KLF5: variants seen among roughly 807,000 people sequenced by gnomAD.
The protein encoded by KLF5 is Krueppel-like factor 5.
A neutral mutation model predicts 36.9 loss-of-function variants in KLF5; 9 were observed. The observed-to-expected ratio is 0.24, with a 90% CI of 0.15 to 0.43. The LOEUF (loss-of-function observed/expected upper bound fraction) is 0.43, where lower values mean the gene tolerates loss of function less well. Ranked by LOEUF, KLF5 falls within the 20% of genes least tolerant of loss-of-function variation. The pLI is 1.00. For synonymous variants in KLF5, 246 were observed against 241.7 expected (o/e 1.02, Z -0.17); for missense variants, 524 against 599.5 (o/e 0.87, Z 1.31).
rs1037230503 is a variant in KLF5 at position 73,059,435 on chromosome 13, C to G, written c.108C>G (p.Ala36=). 6 of 1,297,078 alleles carry G rather than the reference C, an allele frequency of 4.6e-6. No individual in the cohort carries two copies. The African/African-American group carries it at 6.2e-5, about 13-fold the overall frequency. 80.3% of individuals were successfully genotyped at this position (1,297,078 alleles called of 1,614,324 possible). Residue 36 remains alanine, a synonymous_variant, in exon 1 of 4, where the codon GCC becomes GCG. Transcript: ENST00000377687. ...CGCAGCTCAAGCCGGTGCTGGGCGC[C>G]GCGAATCCGGCCCGCGACGCGGCGC... ...VFAQLKPVLG[A]ANPARDAALF...
At position 73,062,214 on chromosome 13, in the gene KLF5, T is replaced by C; in HGVS notation, c.615T>C (p.Asn205=). The change falls in exon 2 of 4, where the codon AAT becomes AAC. Residue 205 remains asparagine (N), a synonymous_variant. Transcript: ENST00000377687. ...SHQTAAPEVN[N]IFIKQELPTP... ...AGACCGCAGCTCCAGAGGTGAACAATATTTTCATCAAACAAGAACTTCCTA... is the reference window on the plus strand; with the variant it reads ...AGACCGCAGCTCCAGAGGTGAACAACATTTTCATCAAACAAGAACTTCCTA... 1.9e-6 allele frequency: 3 copies of C among 1,614,104 alleles called. No individual in the cohort carries two copies. Among genetic ancestry groups the C allele is most frequent in the Non-Finnish European group, 2.5e-6 (3 of 1,180,028 alleles).
upstream of KLF5, among the ~76,000 whole-genome samples, chr13:73,057,397 T>C (rs2044589215): frequency 1.3e-5 from 2 of 152,226 alleles, no homozygotes; most frequent in African/African-American, 2.4e-5. Flanking sequence ...AGCATGGGGC[T>C]GCTTGGTTAG....
chr13:73,061,406 C>T (rs2044633681), intron 1 of KLF5, among the ~76,000 whole-genome samples: 1 of 151,314 alleles, frequency 6.6e-6, no homozygotes, highest in Non-Finnish European at 1.5e-5. Context: ...AGGTTTGCAT[C>T]GTTTTTTCTA....
chr13:73,062,554 C>G lies in KLF5; in HGVS notation c.955C>G (p.Leu319Val), dbSNP rs1232542560. 1.9e-6 allele frequency: 3 copies of G among 1,614,214 alleles called. No individual in the cohort carries two copies. In the East Asian group the frequency reaches 6.7e-5, roughly 36 times the overall value. The change falls in exon 2 of 4, where the codon CTC (leucine) becomes GTC (valine). Residue 319 changes from leucine (L) to valine (V), a missense_variant. Transcript: ENST00000377687. ...PGSPDRQAEM[L>V]QNLTPPPSYA... ...AAGTCCAGATAGACAAGCAGAGATG[C>G]TCCAGAATTTAACCCCACCTCCATC...
Position 73,072,928 on chromosome 13 carries a change from GT to G in KLF5, c.1196-2776del, listed in dbSNP as rs200733150. Reference sequence around the variant, plus strand: ...ATACTTTGAGATAAAGTGGGAGCTTGTTTTCTGTGCTGTACAAACTTGTCAC... The same window carrying G: ...ATACTTTGAGATAAAGTGGGAGCTTGTTTCTGTGCTGTACAAACTTGTCAC... On this transcript the variant is annotated intron_variant, in intron 3 of 3. Transcript: ENST00000377687. Among the ~76,000 whole-genome samples, 1,330 of 152,320 alleles carry G rather than the reference GT, an allele frequency of 8.7e-3. 12 individuals carry two copies. The highest frequency in any genetic ancestry group is 0.014 in the Non-Finnish European group (983 of 68,012).
At chr13:73,071,162 C>T (rs9530145) in intron 3 of KLF5, among the ~76,000 whole-genome samples, 16,633 of 152,218 alleles carry the variant, frequency 0.11, 1,190 homozygotes, top group Non-Finnish European at 0.17. Context: ...ATTGATAGCT[C>T]AACAGAAATT....
chr13:73,066,144 G>A (rs561037783), intron 3 of KLF5, among the ~76,000 whole-genome samples: 3 of 152,246 alleles, frequency 2.0e-5, no homozygotes, highest in African/African-American at 7.2e-5. Context: ...AGGGTTTGTA[G>A]CAGACTTGTT....
chr13:73,062,359 G>A lies in KLF5; in HGVS notation c.760G>A (p.Val254Ile). ...NQTAAMDTLN[V>I]SMSAAMAGLN... The stretch of plus-strand genomic sequence containing the variant: ...GACAGCAGCAATGGACACTCTTAAT[G>A]TTTCTATGTCAGCTGCCATGGCAGG... The change falls in exon 2 of 4, where the codon GTT (valine) becomes ATT (isoleucine). Residue 254 changes from valine (V) to isoleucine (I), a missense_variant. Val to Ile is a conservative substitution (Grantham distance 29). Transcript: ENST00000377687. 6.2e-7 allele frequency: 1 copy of A among 1,614,150 alleles called. No individual in the cohort carries two copies. Among genetic ancestry groups the A allele is most frequent in the African/African-American group, 1.3e-5 (1 of 75,008 alleles).
At chr13:73,058,213 G>A (rs987683079), upstream of KLF5, among the ~76,000 whole-genome samples, 1 of 152,202 alleles carries the variant, frequency 6.6e-6, no homozygotes, top group African/African-American at 2.4e-5. Context: ...AATCAACACG[G>A]CTTAAATATT....
At position 73,062,796 on chromosome 13, in the gene KLF5, T is replaced by C. The variant is rs2044648811; in HGVS notation, c.1135+62T>C. ...TAGTGTGTGTGTGTGTGTGTCTGTG[T>C]GCGCGCGCGTGTGCGTGTGTGCACG... On this transcript the variant is annotated intron_variant, in intron 2 of 3. Transcript: ENST00000377687. 12 of 1,458,292 alleles carry C rather than the reference T, an allele frequency of 8.2e-6. No homozygotes were observed. In the East Asian group the frequency reaches 1.6e-4, roughly 19 times the overall value. 90.3% of individuals were successfully genotyped at this position (1,458,292 alleles called of 1,614,324 possible).
intron 3 of KLF5, among the ~76,000 whole-genome samples, chr13:73,065,938 C>T (rs1011570221): frequency 6.6e-6 from 1 of 152,314 alleles, no homozygotes; most frequent in African/African-American, 2.4e-5. Context: ...CCGGCAAATA[C>T]ATTTAATCGT....
Position 73,076,376 on chromosome 13 carries a change from G to T in KLF5, c.*490G>T, listed in dbSNP as rs1377492614. On this transcript the variant is annotated 3_prime_UTR_variant, in exon 4 of 4. Coordinates refer to ENST00000377687, the MANE Select transcript of KLF5 (RefSeq NM_001730.5). Reference sequence around the variant, plus strand: ...ATTCACAAATAGCCATTGAACAAATGTGTGGGTTTTTAAAAATTATATACA... The same window carrying T: ...ATTCACAAATAGCCATTGAACAAATTTGTGGGTTTTTAAAAATTATATACA... The T allele has an allele frequency of 1.3e-5, 2 of 152,948 alleles. No individual in the cohort carries two copies. Among genetic ancestry groups the T allele is most frequent in the African/African-American group, 4.8e-5 (2 of 41,450 alleles). 9.5% of individuals were successfully genotyped at this position (152,948 alleles called of 1,614,324 possible). A position where few individuals can be genotyped will look rare whatever the true frequency, so the allele number is the denominator to read the frequency against.
intron 1 of KLF5, among the ~76,000 whole-genome samples, chr13:73,061,095 A>G (rs373699137): frequency 6.6e-6 from 1 of 152,016 alleles, no homozygotes; most frequent in Non-Finnish European, 1.5e-5. Context: ...CCTTAGCAGC[A>G]CTCTACCAAG....
Position 73,074,769 on chromosome 13 carries a change from A to G in KLF5, c.1196-939A>G, listed in dbSNP as rs2044747737. 2.6e-5 allele frequency among the ~76,000 whole-genome samples: 4 copies of G among 152,352 alleles called. No individual in the cohort carries two copies. The South Asian group carries it at 8.3e-4, about 32-fold the overall frequency. On this transcript the variant is annotated intron_variant, in intron 3 of 3. Coordinates refer to ENST00000377687, the MANE Select transcript of KLF5 (RefSeq NM_001730.5). ...GGGAAGAGAACTGTGAAAGAATGGA[A>G]TGGGTAGGTTGAACAATTTCAGACT...
intron 3 of KLF5, 33 bp from the exon 4 acceptor site, chr13:73,075,675 A>C (rs768057962): frequency 3.3e-6 from 5 of 1,538,442 alleles, no homozygotes; most frequent in Non-Finnish European, 4.4e-6. Context: ...CATTACAAGC[A>C]GGCCGCTTTA....
chr13:73,067,178 A>G (rs934209692), intron 3 of KLF5, among the ~76,000 whole-genome samples: 2 of 152,220 alleles, frequency 1.3e-5, no homozygotes, highest in Non-Finnish European at 2.9e-5. Flanking sequence ...GATGTCTACA[A>G]GGGGCGGAAC....
At chr13:73,060,318 A>G (rs1278678742) in intron 1 of KLF5, among the ~76,000 whole-genome samples, 1 of 152,124 alleles carries the variant, frequency 6.6e-6, no homozygotes, top group Non-Finnish European at 1.5e-5. Context: ...AGGGAGTCAT[A>G]TAGCCCAGAA....
intron 3 of KLF5, among the ~76,000 whole-genome samples, chr13:73,072,024 A>C (rs919564085): frequency 5.9e-5 from 9 of 152,232 alleles, no homozygotes; most frequent in Non-Finnish European, 1.0e-4. Context: ...ACCGATGTGT[A>C]AATTTGCTGC....
In KLF5 at chr13:73,059,468, C is replaced by A; in HGVS notation, c.141C>A (p.Pro47=). 1 of 1,272,854 alleles carries A rather than the reference C, an allele frequency of 7.9e-7. No homozygotes were observed. The highest frequency in any genetic ancestry group is 2.6e-5 in the South Asian group (1 of 38,790). The allele number at this position is 1,272,854 out of a possible 1,614,324, so 78.8% of individuals were successfully genotyped here. ...ANPARDAALF[P]GEELKHAHHR... ...CGGCCCGCGACGCGGCGCTCTTCCC[C>A]GGCGAGGAGCTGAAGCACGCGCACC... Residue 47 remains proline (P), a synonymous_variant, in exon 1 of 4, where the codon CCC becomes CCA. Transcript: ENST00000377687.
Sources: gnomAD v4.1 joint callset for allele counts (sites outside exome capture counted in the v4.1 genomes callset) on GRCh38, gnomAD v4.1.1 for gene constraint, MANE v1.5 for transcripts, NCBI Gene and HGNC (gene_info 2026-07-23, HGNC 2026-07-21) for gene names.